The following NAA25 variants were observed in gnomAD, a reference collection of about 807,000 sequenced individuals.
The protein encoded by NAA25 is N-alpha-acetyltransferase 25, NatB auxiliary subunit, also known as N-terminal acetyltransferase B complex subunit NAA25.
Under a neutral mutation model 132.5 loss-of-function variants are expected in NAA25, and 30 were observed. The observed-to-expected ratio is 0.23, with a 90% confidence interval of 0.17 to 0.31. NAA25 has a LOEUF of 0.31. Among genes scored for constraint, NAA25 ranks in the 10% least tolerant of loss-of-function variants. The pLI is 1.00. For missense variants in NAA25, 771 were observed against 1,150.4 expected, an observed-to-expected ratio of 0.67 and a Z score of 4.77; for synonymous variants, 359 against 401.9, an observed-to-expected ratio of 0.89 and a Z score of 1.28.
chr12:112,106,337 C>G (rs2079361017), intron 1 of NAA25, among the ~76,000 whole-genome samples: 1 of 151,796 alleles, frequency 6.6e-6, no homozygotes, highest in Non-Finnish European at 1.5e-5. Flanking sequence ...CTTTGGTCCT[C>G]AAGAACAATT....
At chr12:112,033,952 A>G (rs1271113753) in intron 22 of NAA25, 1 of 152,198 alleles carries the variant, frequency 6.6e-6, no homozygotes, top group Admixed American at 6.5e-5. Flanking sequence ...ATGTGATACA[A>G]CTAAAAAACC....
rs149344901 is a variant in NAA25 at position 112,068,960 on chromosome 12, T to C, written c.1069A>G (p.Lys357Glu). The change falls in exon 11 of 24, where the codon AAA becomes GAA. Residue 357 changes from lysine (K) to glutamate (E), a missense_variant. Transcript: ENST00000261745. ...CAACAAGGTTTATCGCCAAACTTTT[T>C]AAAATACTGGAACATTAATTCTTCT... Reference protein sequence around the residue: ...DPEELMFQYFKKFGDKPCCFT... With the variant: ...DPEELMFQYFEKFGDKPCCFT... 29 of 1,612,636 alleles carry C rather than the reference T, an allele frequency of 1.8e-5. No individual in the cohort carries two copies. The African/African-American group carries it at 3.7e-4, about 21-fold the overall frequency.
chr12:112,091,567 T>C (rs2136929070), intron 2 of NAA25, among the ~76,000 whole-genome samples: 1 of 152,116 alleles, frequency 6.6e-6, no homozygotes, highest in East Asian at 1.9e-4. Flanking sequence ...GTGGTGCACA[T>C]CTGTGGTCCC....
At position 112,060,422 on chromosome 12, in the gene NAA25, G is replaced by A. The variant is rs2078610445; in HGVS notation, c.1358-63C>T. 5 of 1,120,530 alleles carry A rather than the reference G, an allele frequency of 4.5e-6. No homozygotes were observed. The African/African-American group carries it at 6.3e-5, about 14-fold the overall frequency. The allele number at this position is 1,120,530 out of a possible 1,614,324, so 69.4% of individuals were successfully genotyped here. On this transcript the variant is annotated intron_variant, in intron 12 of 23. Transcript: ENST00000261745. ...TTCAACTATTACTGACCCCAAAGGA[G>A]TTTTTAAAAGCAGGAAAGTGACAGG...
At chr12:112,095,435 T>C (rs1257583405) in intron 1 of NAA25, among the ~76,000 whole-genome samples, 1 of 141,672 alleles carries the variant, frequency 7.1e-6, no homozygotes, top group Admixed American at 7.1e-5. Context: ...AGACTCCGTC[T>C]AAAAAAAAAA....
In NAA25 at chr12:112,083,320, A is replaced by C. The variant is rs554352915; in HGVS notation, c.403-2186T>G. On this transcript the variant is annotated intron_variant, in intron 4 of 23. Coordinates refer to ENST00000261745, the MANE Select transcript of NAA25 (RefSeq NM_024953.4). ...TAAAGTTAAGGTAAAAGATAAAAGT[A>C]ATGGTGAAACCCCAACTCTACTAAA... 7.0e-4 allele frequency among the ~76,000 whole-genome samples: 106 copies of C among 152,202 alleles called. 1 individual carries two copies. Among genetic ancestry groups the C allele is most frequent in the Middle Eastern group, 3.4e-3 (1 of 294 alleles).
At chr12:112,067,632 C>T (rs911656030) in intron 11 of NAA25, among the ~76,000 whole-genome samples, 1 of 152,068 alleles carries the variant, frequency 6.6e-6, no homozygotes, top group Non-Finnish European at 1.5e-5. Context: ...ATCACTGGAA[C>T]CCAGGAGGTA....
In NAA25 at chr12:112,043,082, A is replaced by C; in HGVS notation, c.2374+6T>G. The C allele has an allele frequency of 1.9e-6, 3 of 1,607,682 alleles. No homozygotes were observed. Among genetic ancestry groups the C allele is most frequent in the Middle Eastern group, 3.3e-4 (2 of 6,018 alleles). Reference sequence around the variant, plus strand: ...AAGACCCTATAAACACACAGTGTACACTTACCTAAACCACTGGTATCCAGC... The same window carrying C: ...AAGACCCTATAAACACACAGTGTACCCTTACCTAAACCACTGGTATCCAGC... On this transcript the variant is annotated splice_donor_region_variant and intron_variant, in intron 19 of 23. Coordinates refer to ENST00000261745, the MANE Select transcript of NAA25 (RefSeq NM_024953.4).
chr12:112,075,766 T>G lies in NAA25; in HGVS notation c.688A>C (p.Ser230Arg). The G allele has an allele frequency of 6.2e-7, 1 of 1,613,996 alleles. No homozygotes were observed. Among genetic ancestry groups the G allele is most frequent in the Non-Finnish European group, 8.5e-7 (1 of 1,179,878 alleles). ...ATAGCCATGCATTTATTTTCCCGAC[T>G]CTGAATCTCACTTGTCAACTTCTCT... ...LGEKLTSEIQ[S>R]RENKCMAMYK... The change falls in exon 8 of 24, where the codon AGT becomes CGT. Residue 230 changes from serine to arginine, a missense_variant. By Grantham distance (110) the Ser-to-Arg change is moderately radical. Transcript: ENST00000261745.
chr12:112,049,755 G>T lies in NAA25; in HGVS notation c.1729-1312C>A. ...CAGTGATACACCCTATCAAGAGGAGGCCAGGATACTCTAAACACATATGCC... is the reference window on the plus strand; with the variant it reads ...CAGTGATACACCCTATCAAGAGGAGTCCAGGATACTCTAAACACATATGCC... On this transcript the variant is annotated intron_variant, in intron 15 of 23. Transcript: ENST00000261745. This position sits in a 1 kb window ranked among gnomAD's most constrained non-coding sequence, Gnocchi z 4.7. 1.0e-5 allele frequency: 5 copies of T among 492,934 alleles called. No homozygotes were observed. Among genetic ancestry groups the T allele is most frequent in the Non-Finnish European group, 1.3e-5 (5 of 380,202 alleles). 30.5% of individuals were successfully genotyped at this position (492,934 alleles called of 1,614,324 possible).
At chr12:112,045,230 G>A (rs903184816) in intron 17 of NAA25, among the ~76,000 whole-genome samples, 5 of 151,958 alleles carry the variant, frequency 3.3e-5, no homozygotes, top group Admixed American at 2.0e-4. Flanking sequence ...AGTGGCTAAC[G>A]CCTGTAATCC....
intron 22 of NAA25, among the ~76,000 whole-genome samples, chr12:112,035,703 A>T (rs1203774462): frequency 6.7e-6 from 1 of 148,218 alleles, no homozygotes; most frequent in East Asian, 2.0e-4. Flanking sequence ...TTTTTGAGAC[A>T]GGGTCTTGCT....
At chr12:112,101,803 G>C (rs1407671881) in intron 1 of NAA25, among the ~76,000 whole-genome samples, 2 of 149,988 alleles carry the variant, frequency 1.3e-5, no homozygotes, top group African/African-American at 4.9e-5. Context: ...ATCACAACAG[G>C]AAGTTCAAAG....
intron 3 of NAA25, among the ~76,000 whole-genome samples, chr12:112,088,097 T>C (rs1306017992): frequency 6.6e-5 from 10 of 152,164 alleles, no homozygotes; most frequent in Admixed American, 5.9e-4. Context: ...TCCACCAGAT[T>C]CTCTGGGATG....
At chr12:112,065,392 C>T (rs1317501659) in intron 11 of NAA25, 1 of 151,902 alleles carries the variant, frequency 6.6e-6, no homozygotes, top group East Asian at 1.9e-4. Flanking sequence ...CCCAGTTAGT[C>T]AGGAGGCTGA....
In NAA25 at chr12:112,074,341, CAAAAAAAAAAAA is replaced by C. The variant is rs34077129; in HGVS notation, c.866+322_866+333del. On this transcript the variant is annotated intron_variant, in intron 9 of 23. Transcript: ENST00000261745. ...GGGTGACAAGAGCCAAACTCCATCT[CAAAAAAAAAAAA>C]AAAAAAAAAAAGGAGAAAAAGAAAA... Among the ~76,000 whole-genome samples, 67 of 34,914 alleles carry C rather than the reference CAAAAAAAAAAAA, an allele frequency of 1.9e-3. 1 individual carries two copies. The highest frequency in any genetic ancestry group is 6.5e-3 in the African/African-American group (62 of 9,568). 22.9% of individuals were successfully genotyped at this position (34,914 alleles called of 152,430 possible). A position where few individuals can be genotyped will look rare whatever the true frequency, so the allele number is the denominator to read the frequency against.
chr12:112,072,113 C>A, intron 9 of NAA25, 49 bp from the exon 10 acceptor site: 1 of 1,507,118 alleles, frequency 6.6e-7, no homozygotes, highest in South Asian at 1.3e-5. Context: ...TATTGTCCTT[C>A]CCGAAGCTTA....
intron 1 of NAA25, among the ~76,000 whole-genome samples, chr12:112,108,493 A>G (rs1832110875): frequency 6.6e-6 from 1 of 152,086 alleles, no homozygotes; most frequent in African/African-American, 2.4e-5. Flanking sequence ...AGCTCTGCCG[A>G]CCAGCTGCTG....
rs764527555 is a variant in NAA25, at chr12:112,087,752, A to G, written c.333T>C (p.Asn111=). The G allele has an allele frequency of 1.9e-6, 3 of 1,614,128 alleles. No homozygotes were observed. The highest frequency in any genetic ancestry group is 1.7e-5 in the Admixed American group (1 of 60,026). Residue 111 remains asparagine, a synonymous_variant, in exon 4 of 24, where the codon AAT becomes AAC. Transcript: ENST00000261745. ...AGAGGTGAGAGTGATACTCCTCACT[A>G]TTGGGAACTTTCTTCACAGCTGCCT... ...LYEAAVKKVP[N]SEEYHSHLFM...
Sources: allele counts gnomAD v4.1 joint callset (sites outside exome capture counted in the v4.1 genomes callset), GRCh38; gene constraint gnomAD v4.1.1; non-coding constraint Gnocchi (gnomAD v3.1); transcripts MANE v1.5; gene names NCBI Gene and HGNC (gene_info 2026-07-23, HGNC 2026-07-21).